KCNQ5: variants seen among roughly 807,000 people sequenced by gnomAD.
KCNQ5 encodes potassium voltage-gated channel subfamily Q member 5.
Under a neutral mutation model 98.2 loss-of-function variants are expected in KCNQ5, and 30 were observed. The ratio of observed to expected loss-of-function variants is 0.31; its 90% confidence interval spans 0.23 to 0.41. The LOEUF (loss-of-function observed/expected upper bound fraction) is 0.41. Among genes scored for constraint, KCNQ5 ranks in the 10% least tolerant of loss-of-function variants. The pLI is 1.00. For synonymous variants in KCNQ5, 458 were observed against 449.4 expected (o/e 1.02, Z -0.24); for missense variants, 835 against 1,182.5 (o/e 0.71, Z 4.31).
chr6:72,654,196 G>A (rs1317112385), intron 1 of KCNQ5, among the ~76,000 whole-genome samples: 1 of 151,936 alleles, frequency 6.6e-6, no homozygotes, highest in Non-Finnish European at 1.5e-5. Context: ...GGAATAGAAG[G>A]AAACTGGAGT....
intron 1 of KCNQ5, among the ~76,000 whole-genome samples, chr6:72,870,591 A>G (rs1256955188): frequency 6.6e-6 from 1 of 152,118 alleles, no homozygotes; most frequent in African/African-American, 2.4e-5. Context: ...GATGTGCCCT[A>G]TAATCTTGGC....
At chr6:72,632,990 A>T (rs2098921905) in intron 1 of KCNQ5, among the ~76,000 whole-genome samples, 1 of 152,152 alleles carries the variant, frequency 6.6e-6, no homozygotes, top group African/African-American at 2.4e-5. Flanking sequence ...GTTTTAATTT[A>T]TTTGAGAAAT....
chr6:72,954,587 T>C (rs527558785), intron 1 of KCNQ5, among the ~76,000 whole-genome samples: 1 of 151,914 alleles, frequency 6.6e-6, no homozygotes, highest in African/African-American at 2.4e-5. Context: ...TCACTTCTAG[T>C]AAACTTAGGA....
chr6:72,879,463 T>C (rs1778555673), intron 1 of KCNQ5, among the ~76,000 whole-genome samples: 3 of 152,168 alleles, frequency 2.0e-5, no homozygotes, highest in Admixed American at 6.5e-5. Context: ...ATTTCTGTTT[T>C]TGTGTCTTTT....
intron 3 of KCNQ5, among the ~76,000 whole-genome samples, chr6:73,061,975 T>C (rs1418729544): frequency 6.6e-6 from 1 of 152,170 alleles, no homozygotes; most frequent in Non-Finnish European, 1.5e-5. Flanking sequence ...ATATCTTCAA[T>C]AAGGCATTCC....
At position 73,049,508 on chromosome 6, in the gene KCNQ5, G is replaced by A. The variant is rs1396616250; in HGVS notation, c.616+7446G>A. The stretch of plus-strand genomic sequence containing the variant: ...GCAGTAAAGCTAGGAATAGCATGCT[G>A]GCCTCCCAATAGCTCATTGCTCTAA... On this transcript the variant is annotated intron_variant, in intron 3 of 13. Coordinates refer to ENST00000370398, the MANE Select transcript of KCNQ5 (RefSeq NM_019842.4). Among the ~76,000 whole-genome samples the A allele has an allele frequency of 2.6e-5, 4 of 152,102 alleles. No individual in the cohort carries two copies. In the South Asian group the frequency reaches 8.3e-4, roughly 32 times the overall value.
chr6:72,975,306 T>C (rs939500029), intron 1 of KCNQ5, among the ~76,000 whole-genome samples: 1 of 151,462 alleles, frequency 6.6e-6, no homozygotes, highest in Non-Finnish European at 1.5e-5. Flanking sequence ...AAAAAAAACA[T>C]ACCTTTTTTC....
intron 2 of KCNQ5, among the ~76,000 whole-genome samples, chr6:73,008,457 G>T (rs548164275): frequency 6.6e-6 from 1 of 151,952 alleles, no homozygotes; most frequent in Non-Finnish European, 1.5e-5. Flanking sequence ...GAGAGCAGAG[G>T]TGGCTATACT....
chr6:72,999,931 A>T (rs1288437097), intron 1 of KCNQ5, among the ~76,000 whole-genome samples: 3 of 152,134 alleles, frequency 2.0e-5, no homozygotes, highest in African/African-American at 4.8e-5. Context: ...TACCATCATG[A>T]TCTATTGCCA....
chr6:73,137,178 G>A (rs1776508293), intron 10 of KCNQ5, among the ~76,000 whole-genome samples: 2 of 152,222 alleles, frequency 1.3e-5, no homozygotes, highest in South Asian at 4.1e-4. Flanking sequence ...ACTACAGACA[G>A]TAGTGTTTTC....
chr6:73,133,866 G>A lies in KCNQ5; in HGVS notation c.1468+225G>A, dbSNP rs1389171376. ...TTGGCAGCTAAATTTACATTCCAAAGAAGCTGACAAAATGTTGTTAATTCT... is the reference window on the plus strand; with the variant it reads ...TTGGCAGCTAAATTTACATTCCAAAAAAGCTGACAAAATGTTGTTAATTCT... On this transcript the variant is annotated intron_variant, in intron 10 of 13. Coordinates refer to ENST00000370398, the MANE Select transcript of KCNQ5 (RefSeq NM_019842.4). 9 of 676,586 alleles carry A rather than the reference G, an allele frequency of 1.3e-5. No homozygotes were observed. The East Asian group carries it at 2.4e-4, about 18-fold the overall frequency. 41.9% of individuals were successfully genotyped at this position (676,586 alleles called of 1,614,324 possible).
intron 1 of KCNQ5, among the ~76,000 whole-genome samples, chr6:72,782,600 G>A (rs973557030): frequency 6.6e-6 from 1 of 152,108 alleles, no homozygotes; most frequent in Admixed American, 6.5e-5. Context: ...GAAGAAACTC[G>A]TAACATTCAA....
At chr6:72,688,656 G>T (rs1168059780) in intron 1 of KCNQ5, among the ~76,000 whole-genome samples, 1 of 151,894 alleles carries the variant, frequency 6.6e-6, no homozygotes. Flanking sequence ...AGTATATACG[G>T]AGTATGGTCA....
rs114895504 is a variant in KCNQ5, at chr6:72,913,943, C to T, written c.399-89965C>T. 6.0e-3 allele frequency among the ~76,000 whole-genome samples: 915 copies of T among 152,190 alleles called. 11 individuals carry two copies. Among genetic ancestry groups the T allele is most frequent in the African/African-American group, 0.02 (835 of 41,530 alleles). On this transcript the variant is annotated intron_variant, in intron 1 of 13. Coordinates refer to ENST00000370398, the MANE Select transcript of KCNQ5 (RefSeq NM_019842.4). ...AACAAACTGGGGGAACTTAACAAGG[C>T]GTGTTTGTTCAGATTCTTCTCTGGG... is the stretch of plus-strand genomic sequence containing the variant.
chr6:73,051,749 AG>A (rs1772255714), intron 3 of KCNQ5, among the ~76,000 whole-genome samples: 1 of 150,304 alleles, frequency 6.7e-6, no homozygotes, highest in Non-Finnish European at 1.5e-5. Context: ...AACTATCCAA[AG>A]GACAGCAATT....
intron 1 of KCNQ5, among the ~76,000 whole-genome samples, chr6:72,686,828 C>T (rs866330916): frequency 2.7e-5 from 4 of 147,174 alleles, no homozygotes; most frequent in African/African-American, 1.0e-4. Context: ...TGTTTTGTTC[C>T]TTCTTTTAAT....
intron 1 of KCNQ5, among the ~76,000 whole-genome samples, chr6:72,957,434 G>C (rs905447287): frequency 6.6e-6 from 1 of 152,084 alleles, no homozygotes; most frequent in Non-Finnish European, 1.5e-5. Flanking sequence ...GCCTCCCAAA[G>C]TGCTGGTATT....
chr6:72,694,944 C>T (rs999436965), intron 1 of KCNQ5, among the ~76,000 whole-genome samples: 17 of 105,554 alleles, frequency 1.6e-4, no homozygotes, highest in South Asian at 1.3e-3. Context: ...ATAAGTCTCA[C>T]GGAGAGCTTT....
At chr6:72,732,381 T>TA (rs1240416848) in intron 1 of KCNQ5, among the ~76,000 whole-genome samples, 1 of 151,794 alleles carries the variant, frequency 6.6e-6, no homozygotes, top group Admixed American at 6.6e-5. Context: ...GGTGTGGATG[T>TA]ATATGAGGGA....
Sources: gnomAD v4.1 joint callset for allele counts (sites outside exome capture counted in the v4.1 genomes callset) on GRCh38, gnomAD v4.1.1 for gene constraint, MANE v1.5 for transcripts, NCBI Gene and HGNC (gene_info 2026-07-23, HGNC 2026-07-21) for gene names.